Variants in MYRIP observed in about 807,000 individuals in gnomAD.
MYRIP encodes rab effector MyRIP.
Under a neutral mutation model 98.0 loss-of-function variants are expected in MYRIP, and 49 were observed. The observed-to-expected ratio is 0.50, with a 90% CI of 0.40 to 0.63. The LOEUF (loss-of-function observed/expected upper bound fraction) is 0.63, where lower values mean the gene tolerates loss of function less well. MYRIP is among the 30% of genes least tolerant of loss of function. The probability of loss-of-function intolerance (pLI) is 0.00; values close to 1 mark genes in which losing one functional copy is unlikely to be tolerated. For synonymous variants in MYRIP, 404 were observed against 409.5 expected (o/e 0.99, Z 0.16); for missense variants, 1,004 against 1,058.2 (o/e 0.95, Z 0.71).
chr3:40,101,805 T>C (rs72856907), intron 3 of MYRIP, among the ~76,000 whole-genome samples: 3,601 of 152,266 alleles, frequency 0.024, 94 homozygotes, highest in African/African-American at 0.06. Context: ...TTTATTGTGT[T>C]TGTTTTGGTA....
At chr3:40,250,021 T>G (rs1314448297) in intron 13 of MYRIP, among the ~76,000 whole-genome samples, 4 of 152,074 alleles carry the variant, frequency 2.6e-5, no homozygotes, top group Non-Finnish European at 2.9e-5. Flanking sequence ...AACTAGAAAT[T>G]TAAACTTATA....
At chr3:40,221,761 C>T (rs911602191) in intron 11 of MYRIP, among the ~76,000 whole-genome samples, 1 of 152,200 alleles carries the variant, frequency 6.6e-6, no homozygotes, top group African/African-American at 2.4e-5. Flanking sequence ...AGTGTGCATA[C>T]CCTTTGATCT....
chr3:39,895,901 CGT>C (rs1299267281), intron 1 of MYRIP, among the ~76,000 whole-genome samples: 6 of 133,172 alleles, frequency 4.5e-5, no homozygotes, highest in South Asian at 2.6e-4. Flanking sequence ...GAGAAAAACT[CGT>C]GTGTGTGTGT....
At chr3:39,935,332 C>T (rs1220481486) in intron 2 of MYRIP, among the ~76,000 whole-genome samples, 2 of 152,096 alleles carry the variant, frequency 1.3e-5, no homozygotes, top group African/African-American at 4.8e-5. Context: ...GGCAGGGGTT[C>T]TGTAAATATG....
In MYRIP at chr3:40,239,935, G is replaced by T. The variant is rs577488446; in HGVS notation, c.2101-4511G>T. On this transcript the variant is annotated intron_variant, in intron 12 of 16. Transcript: ENST00000302541. The stretch of plus-strand genomic sequence containing the variant: ...AATTAGATCCCATTTGTCAATTTTG[G>T]CTTTTGTTGCCATTGCTTTTGGTGT... 8.3e-3 allele frequency among the ~76,000 whole-genome samples: 934 copies of T among 111,980 alleles called. 2 individuals carry two copies. The highest frequency in any genetic ancestry group is 0.011 in the South Asian group (30 of 2,830). 73.5% of individuals were successfully genotyped at this position (111,980 alleles called of 152,430 possible). A position where few individuals can be genotyped will look rare whatever the true frequency, so the allele number is the denominator to read the frequency against.
intron 2 of MYRIP, among the ~76,000 whole-genome samples, chr3:39,961,599 C>G (rs571336158): frequency 6.6e-6 from 1 of 152,174 alleles, no homozygotes; most frequent in East Asian, 1.9e-4. Flanking sequence ...AGGACAAAAT[C>G]AACCACACTG....
rs533134702 is a variant in MYRIP at position 39,917,768 on chromosome 3, T to C, written c.110+16842T>C. ...TACATCTGTAGCATAAAATGCTAAA[T>C]ATACCTTTCTCATGAAAAGATCTTC... On this transcript the variant is annotated intron_variant, in intron 2 of 16. Coordinates refer to ENST00000302541, the MANE Select transcript of MYRIP (RefSeq NM_015460.4). Among the ~76,000 whole-genome samples the C allele has an allele frequency of 1.2e-4, 19 of 152,210 alleles. No homozygotes were observed. The Middle Eastern group carries it at 0.01, about 82-fold the overall frequency.
At chr3:39,870,192 T>C (rs1267635181) in intron 1 of MYRIP, among the ~76,000 whole-genome samples, 1 of 152,148 alleles carries the variant, frequency 6.6e-6, no homozygotes, top group Non-Finnish European at 1.5e-5. Context: ...CTTTTCTCAT[T>C]CCTGGGAAAT....
At chr3:39,895,704 C>T (rs140008221) in intron 1 of MYRIP, among the ~76,000 whole-genome samples, 1 of 152,094 alleles carries the variant, frequency 6.6e-6, no homozygotes, top group Non-Finnish European at 1.5e-5. Flanking sequence ...TGGGTTTTTA[C>T]TTCTACCTTA....
At chr3:39,921,231 A>G (rs1168239346) in intron 2 of MYRIP, among the ~76,000 whole-genome samples, 1 of 152,238 alleles carries the variant, frequency 6.6e-6, no homozygotes, top group South Asian at 2.1e-4. Context: ...TTCTAAATGT[A>G]GATTCTTAGT....
intron 2 of MYRIP, among the ~76,000 whole-genome samples, chr3:40,031,570 G>C (rs1220426933): frequency 6.6e-6 from 1 of 152,110 alleles, no homozygotes; most frequent in Non-Finnish European, 1.5e-5. Flanking sequence ...CTTAGTGAAA[G>C]AGAACCCAGA....
intron 3 of MYRIP, among the ~76,000 whole-genome samples, chr3:40,113,666 A>G (rs1174513307): frequency 1.3e-5 from 2 of 152,130 alleles, no homozygotes; most frequent in Non-Finnish European, 2.9e-5. Flanking sequence ...TTAGAAGAAT[A>G]TATGGGAGAG....
intron 1 of MYRIP, among the ~76,000 whole-genome samples, chr3:39,894,856 G>T (rs1474788346): frequency 6.6e-6 from 1 of 152,160 alleles, no homozygotes; most frequent in African/African-American, 2.4e-5. Flanking sequence ...GGCTGGCTCA[G>T]TATTTAAGGA....
chr3:40,249,327 T>C (rs1294085833), intron 13 of MYRIP, among the ~76,000 whole-genome samples: 2 of 152,154 alleles, frequency 1.3e-5, no homozygotes, highest in Non-Finnish European at 2.9e-5. Context: ...ATACCGGGTG[T>C]TGGCACATCC....
intron 2 of MYRIP, among the ~76,000 whole-genome samples, chr3:39,957,449 G>A (rs1945197414): frequency 6.6e-6 from 1 of 152,092 alleles, no homozygotes; most frequent in South Asian, 2.1e-4. Context: ...CTCAATACAT[G>A]CAGAAAAGGC....
chr3:39,874,631 G>T (rs1348796755), intron 1 of MYRIP, among the ~76,000 whole-genome samples: 1 of 152,128 alleles, frequency 6.6e-6, no homozygotes, highest in Non-Finnish European at 1.5e-5. Flanking sequence ...CTGTTTATAT[G>T]CTGGATTACA....
chr3:39,969,452 G>A (rs775214121), intron 2 of MYRIP, among the ~76,000 whole-genome samples: 11 of 138,410 alleles, frequency 7.9e-5, no homozygotes, highest in Non-Finnish European at 1.2e-4. Flanking sequence ...AATGTTGGCT[G>A]TGGGTTTGTC....
chr3:40,113,079 C>A (rs982489311), intron 3 of MYRIP, among the ~76,000 whole-genome samples: 5 of 152,228 alleles, frequency 3.3e-5, no homozygotes, highest in Non-Finnish European at 4.4e-5. Flanking sequence ...TGCAGGGAAG[C>A]GTCATTAAAA....
chr3:40,136,817 T>G (rs558379017), intron 3 of MYRIP, among the ~76,000 whole-genome samples: 28 of 150,934 alleles, frequency 1.9e-4, no homozygotes, highest in Middle Eastern at 3.4e-3. Context: ...CAGAAATAAA[T>G]ATGTTCTTTG....
Sources: allele counts gnomAD v4.1 joint callset (sites outside exome capture counted in the v4.1 genomes callset), GRCh38; gene constraint gnomAD v4.1.1; transcripts MANE v1.5; gene names NCBI Gene and HGNC (gene_info 2026-07-23, HGNC 2026-07-21).